KCTD1: variants seen among roughly 807,000 people sequenced by gnomAD.
KCTD1 encodes the protein BTB/POZ domain-containing protein KCTD1.
KCTD1 carries 24 observed loss-of-function variants against 66.0 expected under a neutral mutation model. The ratio of observed to expected loss-of-function variants is 0.36; its 90% CI spans 0.26 to 0.51. The LOEUF (loss-of-function observed/expected upper bound fraction) is 0.51. Among genes scored for constraint, KCTD1 ranks in the 20% least tolerant of loss-of-function variants. KCTD1 has a pLI of 0.95. For missense variants in KCTD1, 943 were observed against 1,205.2 expected (o/e 0.78, Z 3.22); for synonymous variants, 511 against 517.2 (o/e 0.99, Z 0.16).
intron 2 of KCTD1, among the ~76,000 whole-genome samples, chr18:26,488,078 T>A (rs964810582): frequency 1.5e-4 from 23 of 152,348 alleles, no homozygotes; most frequent in Admixed American, 5.9e-4. Context: ...TATCAATGGG[T>A]TCCTCAAGAG....
At chr18:26,641,348 A>G (rs1465505454), upstream of KCTD1, among the ~76,000 whole-genome samples, 2 of 152,110 alleles carry the variant, frequency 1.3e-5, no homozygotes, top group Admixed American at 6.6e-5. Flanking sequence ...AGAGTGTAAT[A>G]TTTTACTTGT....
chr18:26,523,686 T>G (rs571739298), intron 1 of KCTD1, among the ~76,000 whole-genome samples: 2 of 152,196 alleles, frequency 1.3e-5, no homozygotes, highest in Non-Finnish European at 2.9e-5. Context: ...TCATAACACC[T>G]AAGGTAAGCC....
chr18:26,619,850 G>A (rs755402557), intron 1 of KCTD1, among the ~76,000 whole-genome samples: 3 of 152,154 alleles, frequency 2.0e-5, no homozygotes, highest in East Asian at 1.9e-4. Context: ...CCAAAATGCC[G>A]TTCTTGGGCT....
chr18:26,473,596 G>A (rs1056166925), intron 3 of KCTD1, among the ~76,000 whole-genome samples: 2 of 136,876 alleles, frequency 1.5e-5, no homozygotes, highest in African/African-American at 5.7e-5. Context: ...AATAATAATA[G>A]TAAAAAAGAA....
exon 1 of KCTD1, chr18:26,640,313 G>C (rs1388134615): frequency 6.6e-6 from 1 of 152,184 alleles, no homozygotes; most frequent in Non-Finnish European, 1.5e-5. Flanking sequence ...CCTCCCACCT[G>C]TAGTCCCAGC....
intron 4 of KCTD1, chr18:26,457,182 T>C (rs764937333): frequency 4.6e-5 from 7 of 151,846 alleles, no homozygotes; most frequent in African/African-American, 7.3e-5. Flanking sequence ...CAAGTCCTTA[T>C]AAGAACAAAA....
At chr18:26,569,985 G>A (rs552850468) in intron 1 of KCTD1, among the ~76,000 whole-genome samples, 3 of 152,160 alleles carry the variant, frequency 2.0e-5, no homozygotes, top group Admixed American at 6.5e-5. Flanking sequence ...TCAGGAGTTC[G>A]AAACCAGCCT....
At chr18:26,593,367 G>T (rs1420931145) in intron 1 of KCTD1, among the ~76,000 whole-genome samples, 1 of 102,406 alleles carries the variant, frequency 9.8e-6, no homozygotes, top group Non-Finnish European at 2.0e-5. Flanking sequence ...GGAAGAGGAG[G>T]AGGAGGAAGA....
In KCTD1 at chr18:26,455,887, C is replaced by G. The variant is rs774967145; in HGVS notation, c.2454G>C (p.Leu818Phe). The change falls in exon 5 of 5, where the codon TTG becomes TTC. Residue 818 changes from leucine to phenylalanine, a missense_variant. This residue lies in a region of KCTD1 where 162 missense variants were observed against 232.4 expected (regional missense o/e 0.70). Coordinates refer to ENST00000580059, the MANE Select transcript of KCTD1 (RefSeq NM_001142730.3). ...HLNSVQVLERLQQRGFEIVGS... is the reference protein window; with the variant it reads ...HLNSVQVLERFQQRGFEIVGS... The stretch of plus-strand genomic sequence containing the variant: ...CCACGATTTCAAATCCTCTTTGCTG[C>G]AACCTCTCGAGGACCTGCGAGGGAA... 1.6e-5 allele frequency: 26 copies of G among 1,613,758 alleles called. No individual in the cohort carries two copies. The highest frequency in any genetic ancestry group is 2.2e-5 in the Non-Finnish European group (26 of 1,179,780).
intron 1 of KCTD1, among the ~76,000 whole-genome samples, chr18:26,526,578 A>G (rs1213261852): frequency 6.6e-6 from 1 of 152,216 alleles, no homozygotes; most frequent in African/African-American, 2.4e-5. Context: ...GAAAGATGCT[A>G]GGGAAATAGA....
chr18:26,628,501 CA>C (rs1230920007), intron 1 of KCTD1, among the ~76,000 whole-genome samples: 4 of 151,948 alleles, frequency 2.6e-5, no homozygotes, highest in Admixed American at 2.6e-4. Context: ...TTTCTTCAAA[CA>C]TGCCAAAGGC....
chr18:26,649,473 G>A (rs1987988366), intron 1 of KCTD1, among the ~76,000 whole-genome samples: 1 of 152,130 alleles, frequency 6.6e-6, no homozygotes, highest in Non-Finnish European at 1.5e-5. Context: ...TTGAGCCTCG[G>A]TTGTTTCGGT....
rs1388602614 is a variant in KCTD1, at chr18:26,548,037, C to T, written c.500G>A (p.Arg167Gln). The T allele has an allele frequency of 3.3e-6, 5 of 1,512,872 alleles. No individual in the cohort carries two copies. Among genetic ancestry groups the T allele is most frequent in the Non-Finnish European group, 4.4e-6 (5 of 1,132,816 alleles). 93.7% of individuals were successfully genotyped at this position (1,512,872 alleles called of 1,614,324 possible). ...GGCCAGCCGGGTGTTCTCGCTCAGC[C>T]GGGCCCGCTCGGGGCGCTGCAGCAC... ...PDVLQRPERA[R>Q]LSENTRLATR... The change falls in exon 1 of 5, where the codon CGG (arginine) becomes CAG (glutamine). Residue 167 changes from arginine (R) to glutamine (Q), a missense_variant. Physicochemically the swap from Arg to Gln is conservative, Grantham distance 43. This residue lies in a region of KCTD1 where 96 missense variants were observed against 132.5 expected (regional missense o/e 0.72). Coordinates refer to ENST00000580059, the MANE Select transcript of KCTD1 (RefSeq NM_001142730.3).
chr18:26,634,086 A>C (rs1987674762), upstream of KCTD1, among the ~76,000 whole-genome samples: 1 of 152,202 alleles, frequency 6.6e-6, no homozygotes, highest in Non-Finnish European at 1.5e-5. Flanking sequence ...GTATGATTCC[A>C]TTTATATCAA....
chr18:26,551,977 A>C (rs1235677359), upstream of KCTD1, among the ~76,000 whole-genome samples: 1 of 152,170 alleles, frequency 6.6e-6, no homozygotes, highest in Non-Finnish European at 1.5e-5. Context: ...TGCAGGATAC[A>C]TGACTTCTTT....
chr18:26,551,041 G>A (rs1014925314), upstream of KCTD1, among the ~76,000 whole-genome samples: 1 of 152,162 alleles, frequency 6.6e-6, no homozygotes, highest in Non-Finnish European at 1.5e-5. Flanking sequence ...TGGGAGCGGA[G>A]CCGCCCCCCA....
intron 1 of KCTD1, among the ~76,000 whole-genome samples, chr18:26,572,553 A>G (rs1258555200): frequency 6.6e-6 from 1 of 152,226 alleles, no homozygotes; most frequent in Non-Finnish European, 1.5e-5. Flanking sequence ...GAACATCAGA[A>G]TGACTACAAT....
At chr18:26,548,712 G>C, upstream of KCTD1, 3 of 935,614 alleles carry the variant, frequency 3.2e-6, no homozygotes, top group Non-Finnish European at 4.0e-6. Context: ...CGGCGCGCAG[G>C]GGATGGAGGG....
chr18:26,544,165 C>T (rs926496638), intron 1 of KCTD1: 2 of 152,168 alleles, frequency 1.3e-5, no homozygotes, highest in African/African-American at 4.8e-5. Flanking sequence ...TTAACACAAC[C>T]ATTCAAGAGA....
Sources: gnomAD v4.1 joint callset for allele counts (sites outside exome capture counted in the v4.1 genomes callset) on GRCh38, gnomAD v4.1.1 for gene constraint, gnomAD v4.1.1 regional missense constraint, MANE v1.5 for transcripts, NCBI Gene and HGNC (gene_info 2026-07-23, HGNC 2026-07-21) for gene names.